The following CNTNAP2 variants were observed in gnomAD, a reference collection of about 807,000 sequenced individuals.
CNTNAP2 encodes the protein contactin associated protein 2.
In CNTNAP2, 98 loss-of-function variants were observed where a neutral mutation model predicts 155.2. That is an observed-to-expected ratio of 0.63 (90% CI 0.54 to 0.75). CNTNAP2 has a LOEUF of 0.75. CNTNAP2 is among the 30% of genes least tolerant of loss of function. The pLI is 0.00. For missense variants in CNTNAP2, 1,727 were observed against 1,688.1 expected (o/e 1.02, Z -0.40); for synonymous variants, 651 against 631.2 (o/e 1.03, Z -0.47).
chr7:148,355,575 A>C (rs1442827469), intron 21 of CNTNAP2, among the ~76,000 whole-genome samples: 1 of 152,104 alleles, frequency 6.6e-6, no homozygotes, highest in Admixed American at 6.5e-5. Flanking sequence ...CCAGTTATTC[A>C]AGGACTCTCT....
chr7:146,612,931 C>CT (rs10593929), intron 1 of CNTNAP2, among the ~76,000 whole-genome samples: 25,033 of 139,118 alleles, frequency 0.18, 2,669 homozygotes, highest in East Asian at 0.48. Flanking sequence ...TAACATCTGT[C>CT]TTTTTTTTTT....
At chr7:146,524,338 C>T (rs1004573154) in intron 1 of CNTNAP2, among the ~76,000 whole-genome samples, 1 of 152,058 alleles carries the variant, frequency 6.6e-6, no homozygotes, top group African/African-American at 2.4e-5. Flanking sequence ...ATTCCTCATT[C>T]ATAGGAGTCT....
chr7:147,438,173 C>A (rs1797582789), intron 10 of CNTNAP2, among the ~76,000 whole-genome samples: 1 of 152,024 alleles, frequency 6.6e-6, no homozygotes, highest in Non-Finnish European at 1.5e-5. Context: ...TGAAAATGAG[C>A]AACTTCGTCA....
intron 1 of CNTNAP2, among the ~76,000 whole-genome samples, chr7:146,165,143 T>C (rs954807567): frequency 6.6e-6 from 1 of 152,026 alleles, no homozygotes; most frequent in Non-Finnish European, 1.5e-5. Context: ...AACTTTTCTT[T>C]TCTTAACTTT....
At chr7:146,801,837 A>C (rs1321265782) in intron 2 of CNTNAP2, among the ~76,000 whole-genome samples, 4 of 152,188 alleles carry the variant, frequency 2.6e-5, no homozygotes, top group Admixed American at 2.6e-4. Context: ...GGTAAAGAGA[A>C]TAGAGTGGAA....
At chr7:147,738,646 A>T (rs1020776819) in intron 13 of CNTNAP2, among the ~76,000 whole-genome samples, 1 of 130,638 alleles carries the variant, frequency 7.7e-6, no homozygotes, top group African/African-American at 2.9e-5. Flanking sequence ...TAATGTAAAC[A>T]TAACTTTTTT....
At chr7:146,360,385 T>A (rs1398769729) in intron 1 of CNTNAP2, among the ~76,000 whole-genome samples, 1 of 152,210 alleles carries the variant, frequency 6.6e-6, no homozygotes, top group Non-Finnish European at 1.5e-5. Flanking sequence ...CTACTACTAC[T>A]GTGTAAAAAC....
intron 16 of CNTNAP2, among the ~76,000 whole-genome samples, chr7:148,123,706 AAC>A (rs1414325814): frequency 3.3e-4 from 50 of 151,204 alleles, no homozygotes; most frequent in African/African-American, 1.1e-3. Context: ...GAAAGAGAGA[AAC>A]AGAGAAAGAA....
At chr7:147,417,221 C>T (rs1163337134) in intron 10 of CNTNAP2, among the ~76,000 whole-genome samples, 1 of 152,100 alleles carries the variant, frequency 6.6e-6, no homozygotes, top group Non-Finnish European at 1.5e-5. Context: ...TTTAGTTTAT[C>T]CAGGCTGCTA....
intron 1 of CNTNAP2, among the ~76,000 whole-genome samples, chr7:146,765,633 A>G (rs1375863243): frequency 6.6e-6 from 1 of 152,206 alleles, no homozygotes; most frequent in African/African-American, 2.4e-5. Context: ...TTTACAGTCC[A>G]TTCAACAAGA....
Position 147,777,702 on chromosome 7 carries a change from G to A in CNTNAP2, c.2099-125863G>A, listed in dbSNP as rs146382906. The stretch of plus-strand genomic sequence containing the variant: ...ATATTTTCCCTTACATTTAATGTTT[G>A]TATTATAAGGGCTTTTTATGCCTTA... On this transcript the variant is annotated intron_variant, in intron 13 of 23. Coordinates refer to ENST00000361727, the MANE Select transcript of CNTNAP2 (RefSeq NM_014141.6). Among the ~76,000 whole-genome samples the A allele has an allele frequency of 3.3e-3, 498 of 152,248 alleles. 6 individuals are homozygous for A. Among genetic ancestry groups the A allele is most frequent in the African/African-American group, 0.011 (469 of 41,538 alleles).
chr7:147,270,180 T>C (rs1213928462), intron 8 of CNTNAP2, among the ~76,000 whole-genome samples: 1 of 152,250 alleles, frequency 6.6e-6, no homozygotes, highest in Non-Finnish European at 1.5e-5. Context: ...TCATGAGTCA[T>C]GTCTCTTCTT....
At chr7:147,021,190 A>AT (rs1005926651) in intron 3 of CNTNAP2, among the ~76,000 whole-genome samples, 10 of 151,746 alleles carry the variant, frequency 6.6e-5, no homozygotes, top group African/African-American at 1.7e-4. Flanking sequence ...AAACCTTATG[A>AT]TTTTTTTTGG....
chr7:148,255,550 C>T (rs1002626216), intron 20 of CNTNAP2, among the ~76,000 whole-genome samples: 7 of 152,154 alleles, frequency 4.6e-5, no homozygotes, highest in Admixed American at 2.0e-4. Context: ...TTTCTTCCTA[C>T]TATTTTGAGA....
At chr7:147,193,005 A>C (rs1802712982) in intron 8 of CNTNAP2, among the ~76,000 whole-genome samples, 1 of 152,188 alleles carries the variant, frequency 6.6e-6, no homozygotes, top group Non-Finnish European at 1.5e-5. Flanking sequence ...TTGGAAAAAA[A>C]CGCCTTGCAA....
In CNTNAP2 at chr7:148,283,033, G is replaced by A. The variant is rs1254493303; in HGVS notation, c.3475+15907G>A. On this transcript the variant is annotated intron_variant, in intron 21 of 23. Transcript: ENST00000361727. ...GTGGATCACCTGAGGTCAGGAGTTCGAGACCAGCCTGGCCAACATGGTGAA... is the reference window on the plus strand; with the variant it reads ...GTGGATCACCTGAGGTCAGGAGTTCAAGACCAGCCTGGCCAACATGGTGAA... 3.4e-4 allele frequency among the ~76,000 whole-genome samples: 52 copies of A among 151,856 alleles called. 2 individuals carry two copies. The highest frequency in any genetic ancestry group is 7.4e-5 in the Non-Finnish European group (5 of 67,914).
chr7:148,064,999 C>G (rs2116519079), intron 15 of CNTNAP2, among the ~76,000 whole-genome samples: 1 of 152,196 alleles, frequency 6.6e-6, no homozygotes, highest in African/African-American at 2.4e-5. Context: ...TCATTATTAT[C>G]ATTCGGTTCG....
At chr7:146,724,331 T>C (rs929844497) in intron 1 of CNTNAP2, among the ~76,000 whole-genome samples, 4 of 152,098 alleles carry the variant, frequency 2.6e-5, no homozygotes, top group South Asian at 4.1e-4. Context: ...TATTTTTTTT[T>C]CCCAAATCAG....
chr7:148,047,952 C>G (rs540035032), intron 15 of CNTNAP2, among the ~76,000 whole-genome samples: 1 of 151,550 alleles, frequency 6.6e-6, no homozygotes, highest in Non-Finnish European at 1.5e-5. Context: ...GAGACAGAGT[C>G]TCGCTTTGTC....
Sources: allele counts gnomAD v4.1 joint callset (sites outside exome capture counted in the v4.1 genomes callset), GRCh38; gene constraint gnomAD v4.1.1; transcripts MANE v1.5; gene names NCBI Gene and HGNC (gene_info 2026-07-23, HGNC 2026-07-21).